The following ATOSA variants were observed in gnomAD, a reference collection of about 807,000 sequenced individuals.
The protein encoded by ATOSA is atos homolog protein A.
At chr15:52,608,045 C>T in the ATOSA span, among the ~76,000 whole-genome samples, 462 of 152,150 alleles carry the variant, frequency 3.0e-3, 6 homozygotes, top group African/African-American at 0.011. Flanking sequence ...CATGCCTGGC[C>T]AATTTTTATT....
the ATOSA span, among the ~76,000 whole-genome samples, chr15:52,671,453 T>C: frequency 6.6e-6 from 1 of 152,160 alleles, no homozygotes; most frequent in African/African-American, 2.4e-5. Context: ...TTAACAAATA[T>C]GTATTAAACA....
chr15:52,676,240 A>G, the ATOSA span, among the ~76,000 whole-genome samples: 1 of 152,282 alleles, frequency 6.6e-6, no homozygotes, highest in Non-Finnish European at 1.5e-5. Flanking sequence ...TTCTTTGGAC[A>G]CCAATGTAGT....
the ATOSA span, among the ~76,000 whole-genome samples, chr15:52,677,431 A>G: frequency 4.6e-5 from 7 of 152,240 alleles, no homozygotes; most frequent in Admixed American, 2.6e-4. Context: ...TCCTGAAAAT[A>G]CAGGTTTAGA....
At chr15:52,609,985 T>A in the ATOSA span, 63 of 1,613,530 alleles carry the variant, frequency 3.9e-5, no homozygotes, top group Non-Finnish European at 4.9e-5. Flanking sequence ...AGATGTCCCA[T>A]GGTCAGATTT....
chr15:52,589,931 G>A, the ATOSA span, among the ~76,000 whole-genome samples: 1 of 151,886 alleles, frequency 6.6e-6, no homozygotes. Context: ...GGGATTATAG[G>A]CGCCCACCAT....
chr15:52,602,636 G>C, the ATOSA span, among the ~76,000 whole-genome samples: 4 of 152,048 alleles, frequency 2.6e-5, no homozygotes, highest in African/African-American at 9.7e-5. Flanking sequence ...TATAAATTCA[G>C]AACCCCTACC....
At chr15:52,678,173 C>T in the ATOSA span, 1 of 904,800 alleles carries the variant, frequency 1.1e-6, no homozygotes, top group Non-Finnish European at 1.8e-6. Flanking sequence ...ATACCCGGAC[C>T]TTGCAAGTAA....
At chr15:52,702,978 G>A in the ATOSA span, among the ~76,000 whole-genome samples, 1 of 152,052 alleles carries the variant, frequency 6.6e-6, no homozygotes, top group African/African-American at 2.4e-5. Context: ...AACTTTATTT[G>A]CAATAGTCTC....
At chr15:52,595,394 A>C in the ATOSA span, among the ~76,000 whole-genome samples, 1 of 152,212 alleles carries the variant, frequency 6.6e-6, no homozygotes, top group Non-Finnish European at 1.5e-5. Context: ...AAGGTGCAAA[A>C]AATTTTCATA....
At chr15:52,675,707 G>A in the ATOSA span, among the ~76,000 whole-genome samples, 28 of 152,330 alleles carry the variant, frequency 1.8e-4, no homozygotes, top group Middle Eastern at 0.01. Context: ...AGGAGATCGA[G>A]ACTATCCTGG....
chr15:52,660,524 C>A, the ATOSA span, among the ~76,000 whole-genome samples: 1 of 152,236 alleles, frequency 6.6e-6, no homozygotes, highest in Admixed American at 6.5e-5. Context: ...CACTTAGTCA[C>A]TCTCTTAGCC....
At chr15:52,661,304 T>G in the ATOSA span, among the ~76,000 whole-genome samples, 18 of 152,222 alleles carry the variant, frequency 1.2e-4, no homozygotes, top group Admixed American at 4.6e-4. Context: ...TTCTTTCCAG[T>G]TTCCTGATAA....
the ATOSA span, among the ~76,000 whole-genome samples, chr15:52,591,950 T>TA: frequency 2.0e-5 from 3 of 152,168 alleles, no homozygotes; most frequent in African/African-American, 7.2e-5. Context: ...TTTGAATAAA[T>TA]AAGCAGTCAC....
At chr15:52,605,372 T>C in the ATOSA span, 7 of 620,978 alleles carry the variant, frequency 1.1e-5, no homozygotes, top group African/African-American at 1.2e-4. Context: ...GCTGGTGATA[T>C]ACAGGTGGGA....
chr15:52,653,001 C>T, the ATOSA span, among the ~76,000 whole-genome samples: 1 of 152,132 alleles, frequency 6.6e-6, no homozygotes. Flanking sequence ...AGAAATATTT[C>T]CCCTGAACGT....
At chr15:52,666,031 A>C in the ATOSA span, among the ~76,000 whole-genome samples, 1 of 152,092 alleles carries the variant, frequency 6.6e-6, no homozygotes, top group Admixed American at 6.5e-5. Flanking sequence ...AAAAACACAC[A>C]CCCCGCCCTG....
the ATOSA span, among the ~76,000 whole-genome samples, chr15:52,590,323 G>C: frequency 6.6e-6 from 1 of 152,142 alleles, no homozygotes; most frequent in East Asian, 1.9e-4. Context: ...AGATATTTCT[G>C]CCTGGTTTCA....
At chr15:52,587,073 C>A in the ATOSA span, 2 of 1,595,896 alleles carry the variant, frequency 1.3e-6, no homozygotes, top group Non-Finnish European at 1.7e-6. Flanking sequence ...GTTGCAGCAG[C>A]AGTAGCAGGA....
chr15:52,610,387 G>C, the ATOSA span: 9 of 1,594,234 alleles, frequency 5.6e-6, no homozygotes, highest in Non-Finnish European at 7.7e-6. Flanking sequence ...ACTGATTCTA[G>C]AATCACACAG....
Sources: gnomAD v4.1 joint callset for allele counts (sites outside exome capture counted in the v4.1 genomes callset) on GRCh38, gnomAD v4.1.1 for gene constraint, MANE v1.5 for transcripts, NCBI Gene and HGNC (gene_info 2026-07-23, HGNC 2026-07-21) for gene names.